ADCY8: variants seen among roughly 807,000 people sequenced by gnomAD.
ADCY8 encodes adenylate cyclase 8, also known as adenylate cyclase type 8.
A neutral mutation model predicts 119.7 loss-of-function variants in ADCY8; 51 were observed. That is an observed-to-expected ratio of 0.43 (90% CI 0.34 to 0.54). The LOEUF (loss-of-function observed/expected upper bound fraction) is 0.54, where lower values mean the gene tolerates loss of function less well. ADCY8 is among the 20% of genes least tolerant of loss of function. The pLI is 0.03. For missense variants in ADCY8, 1,383 were observed against 1,598.8 expected, an observed-to-expected ratio of 0.87 and a Z score of 2.30; for synonymous variants, 665 against 651.0, an observed-to-expected ratio of 1.02 and a Z score of -0.33.
At chr8:130,912,524 T>A (rs1396686220) in intron 5 of ADCY8, among the ~76,000 whole-genome samples, 1 of 152,206 alleles carries the variant, frequency 6.6e-6, no homozygotes, top group Non-Finnish European at 1.5e-5. Flanking sequence ...GCAGTGTCCT[T>A]TTTTAAAAGA....
intron 3 of ADCY8, among the ~76,000 whole-genome samples, chr8:130,944,521 A>G (rs1404282192): frequency 1.3e-5 from 2 of 152,234 alleles, no homozygotes; most frequent in African/African-American, 4.8e-5. Flanking sequence ...GAAATAGGTA[A>G]TTGGGCTAGA....
intron 1 of ADCY8, among the ~76,000 whole-genome samples, chr8:131,025,303 A>T (rs1823788625): frequency 6.6e-6 from 1 of 152,216 alleles, no homozygotes; most frequent in Non-Finnish European, 1.5e-5. Flanking sequence ...TTATTGAGAT[A>T]AAGTGGCCTT....
At chr8:130,837,820 G>T (rs1817034647) in intron 11 of ADCY8, among the ~76,000 whole-genome samples, 1 of 152,130 alleles carries the variant, frequency 6.6e-6, no homozygotes, top group African/African-American at 2.4e-5. Context: ...GGTCAAGATG[G>T]GAGTCATAAT....
chr8:130,935,078 C>T (rs1820744162), intron 5 of ADCY8, among the ~76,000 whole-genome samples: 1 of 152,218 alleles, frequency 6.6e-6, no homozygotes, highest in Non-Finnish European at 1.5e-5. Flanking sequence ...TAAAGCTCTA[C>T]ATGTGCCTTT....
rs1353110463 is a variant in ADCY8 at position 131,039,783 on chromosome 8, A to T, written c.551T>A (p.Val184Glu). 1 of 1,614,100 alleles carries T rather than the reference A, an allele frequency of 6.2e-7. No individual in the cohort carries two copies. Among genetic ancestry groups the T allele is most frequent in the Non-Finnish European group, 8.5e-7 (1 of 1,180,018 alleles). ...FLGQRRKSEV[V>E]MNVLDVLTKL... ...GGTCAGCACGTCCAGCACGTTCATC[A>T]CCACTTCCGATTTGCGCCTTTGGCC... is the stretch of plus-strand genomic sequence containing the variant. The change falls in exon 1 of 18, where the codon GTG (valine) becomes GAG (glutamate). Residue 184 changes from valine to glutamate, a missense_variant. Physicochemically the swap from Val to Glu is moderately radical, Grantham distance 121. Transcript: ENST00000286355.
chr8:130,802,023 C>T (rs1162289408), intron 14 of ADCY8, among the ~76,000 whole-genome samples: 1 of 151,060 alleles, frequency 6.6e-6, no homozygotes, highest in Non-Finnish European at 1.5e-5. Flanking sequence ...TTTCAATACC[C>T]ATGTGCTGAC....
Position 131,036,083 on chromosome 8 carries a change from G to T in ADCY8, c.960+3291C>A, listed in dbSNP as rs577740297. On this transcript the variant is annotated intron_variant, in intron 1 of 17. Coordinates refer to ENST00000286355, the MANE Select transcript of ADCY8 (RefSeq NM_001115.3). ...TGTTTAGAAGGATAATCACTAAAGG[G>T]TTTCTGAAGAATAATTGGCATCAGA... is the stretch of plus-strand genomic sequence containing the variant. Among the ~76,000 whole-genome samples, 28 of 152,238 alleles carry T rather than the reference G, an allele frequency of 1.8e-4. No homozygotes were observed. In the South Asian group the frequency reaches 4.4e-3, roughly 24 times the overall value.
At chr8:131,002,177 A>T (rs922220146) in intron 1 of ADCY8, among the ~76,000 whole-genome samples, 1 of 152,220 alleles carries the variant, frequency 6.6e-6, no homozygotes, top group Non-Finnish European at 1.5e-5. Flanking sequence ...ACCTTCCTCA[A>T]AATGTTGGAT....
chr8:130,905,223 G>A (rs1424401730), intron 6 of ADCY8, among the ~76,000 whole-genome samples: 1 of 152,190 alleles, frequency 6.6e-6, no homozygotes, highest in Non-Finnish European at 1.5e-5. Flanking sequence ...TCATATTACT[G>A]TTGTGTATTC....
chr8:131,027,413 C>A (rs1331701816), intron 1 of ADCY8, among the ~76,000 whole-genome samples: 3 of 152,028 alleles, frequency 2.0e-5, no homozygotes, highest in African/African-American at 7.2e-5. Context: ...TAGAACTTAC[C>A]CAGTGAAGTG....
intron 9 of ADCY8, among the ~76,000 whole-genome samples, chr8:130,854,918 C>T (rs1817670726): frequency 7.4e-6 from 1 of 135,012 alleles, no homozygotes; most frequent in South Asian, 2.9e-4. Context: ...TTTTCTTTTC[C>T]CCCTTTCTGC....
intron 5 of ADCY8, among the ~76,000 whole-genome samples, chr8:130,936,101 G>T (rs143919676): frequency 8.2e-6 from 1 of 121,894 alleles, no homozygotes; most frequent in African/African-American, 2.7e-5. Context: ...GTGTGTGTGT[G>T]TGTGTGTGTA....
chr8:131,013,311 C>A (rs532255834), intron 1 of ADCY8, among the ~76,000 whole-genome samples: 1 of 152,118 alleles, frequency 6.6e-6, no homozygotes, highest in Non-Finnish European at 1.5e-5. Context: ...AAGACCCAGG[C>A]AACAATTATT....
chr8:130,867,864 C>T lies in ADCY8; in HGVS notation c.2192G>A (p.Ser731Asn), dbSNP rs1445636005. 1 of 1,610,608 alleles carries T rather than the reference C, an allele frequency of 6.2e-7. No individual in the cohort carries two copies. Among genetic ancestry groups the T allele is most frequent in the Admixed American group, 1.7e-5 (1 of 59,820 alleles). Residue 731 changes from serine to asparagine, a missense_variant, in exon 9 of 18, where the codon AGT becomes AAT. Ser to Asn is a conservative substitution (Grantham distance 46, BLOSUM62 1). Around this residue, in one of 2 missense-constraint regions of ADCY8, gnomAD observed 928 missense variants for 1,163.5 expected, o/e 0.80. Coordinates refer to ENST00000286355, the MANE Select transcript of ADCY8 (RefSeq NM_001115.3). The part of the protein sequence containing the change: ...IVLLFITAIQ[S>N]LLPSSRVMPM... ...CATTTACCTTGAAGAAGGAAGCAAA[C>T]TTTGTATTGCCGTGATAAATAGAAG...
intron 7 of ADCY8, among the ~76,000 whole-genome samples, chr8:130,896,662 T>G (rs1289257527): frequency 2.6e-5 from 4 of 152,166 alleles, no homozygotes; most frequent in Admixed American, 6.6e-5. Flanking sequence ...GAGAAAAGGG[T>G]AAATCTCATT....
intron 9 of ADCY8, among the ~76,000 whole-genome samples, chr8:130,863,740 A>C (rs1244407003): frequency 1.3e-5 from 2 of 152,192 alleles, no homozygotes; most frequent in African/African-American, 4.8e-5. Flanking sequence ...CCTTAAAATA[A>C]AGCATTACCA....
At chr8:130,837,882 C>T (rs1444881322) in intron 11 of ADCY8, among the ~76,000 whole-genome samples, 2 of 152,100 alleles carry the variant, frequency 1.3e-5, no homozygotes, top group African/African-American at 4.8e-5. Flanking sequence ...AGTAAATTGT[C>T]CAAGATCTCT....
chr8:130,974,849 A>G (rs1198761949), intron 2 of ADCY8, among the ~76,000 whole-genome samples: 1 of 152,172 alleles, frequency 6.6e-6, no homozygotes, highest in African/African-American at 2.4e-5. Context: ...ACAGTTACGG[A>G]GATAATGGAT....
At chr8:130,960,912 T>C (rs923540578) in intron 2 of ADCY8, among the ~76,000 whole-genome samples, 6 of 152,170 alleles carry the variant, frequency 3.9e-5, no homozygotes, top group African/African-American at 1.4e-4. Context: ...TGACTTAGTT[T>C]TGGTTTTAAC....
Sources: gnomAD v4.1 joint callset for allele counts (sites outside exome capture counted in the v4.1 genomes callset) on GRCh38, gnomAD v4.1.1 for gene constraint, gnomAD v4.1.1 regional missense constraint, MANE v1.5 for transcripts, NCBI Gene and HGNC (gene_info 2026-07-23, HGNC 2026-07-21) for gene names.